Variants in EDRF1 observed in about 807,000 individuals in gnomAD.
EDRF1 encodes erythroid differentiation-related factor 1.
In EDRF1, 69 loss-of-function variants were observed where a neutral mutation model predicts 148.7. The ratio of observed to expected loss-of-function variants is 0.46; its 90% CI spans 0.38 to 0.57. The LOEUF (loss-of-function observed/expected upper bound fraction) is 0.57. EDRF1 is among the 20% of genes least tolerant of loss of function. The pLI, the probability that EDRF1 is intolerant of heterozygous loss-of-function variation, is 0.00. For missense variants in EDRF1, 1,118 were observed against 1,478.7 expected (o/e 0.76, Z 4.00); for synonymous variants, 515 against 532.8 (o/e 0.97, Z 0.46).
At chr10:125,745,972 C>T (rs1564746917) in intron 19 of EDRF1, 42 bp downstream of exon 19, 1 of 1,579,754 alleles carries the variant, frequency 6.3e-7, no homozygotes, top group South Asian at 1.1e-5. Context: ...CCATTCACAC[C>T]TGTCATTTAT....
At chr10:125,727,760 A>T (rs796318098) in intron 6 of EDRF1, among the ~76,000 whole-genome samples, 3 of 152,316 alleles carry the variant, frequency 2.0e-5, no homozygotes, top group African/African-American at 7.2e-5. Flanking sequence ...CAACACACGC[A>T]TGCCTGTCTT....
chr10:125,763,280 C>CT lies in EDRF1; in HGVS notation c.3546-16dup. On this transcript the variant is annotated intron_variant, in intron 24 of 24. Transcript: ENST00000356792. This position sits in a 1 kb window ranked among gnomAD's most constrained non-coding sequence, Gnocchi z 4.3. ...GGCATTGCTGGTCCCTTACCTGTCT[C>CT]TTTTTCTTTTTTAACCCTAGCAATA... The CT allele has an allele frequency of 6.2e-7, 1 of 1,608,028 alleles. No homozygotes were observed. Among genetic ancestry groups the CT allele is most frequent in the Non-Finnish European group, 8.5e-7 (1 of 1,178,866 alleles).
At chr10:125,726,091 A>T (rs539650052) in intron 6 of EDRF1, among the ~76,000 whole-genome samples, 1 of 152,240 alleles carries the variant, frequency 6.6e-6, no homozygotes, top group African/African-American at 2.4e-5. Flanking sequence ...TAGTTGACTG[A>T]TATGTTTATT....
At chr10:125,737,859 C>G (rs938692198) in intron 13 of EDRF1, 59 bp from the exon 14 acceptor site, 6 of 1,500,176 alleles carry the variant, frequency 4.0e-6, no homozygotes, top group African/African-American at 1.4e-5. Context: ...TCAACAAAAA[C>G]AATATGTTGA....
chr10:125,744,277 G>A (rs566708672), intron 18 of EDRF1, among the ~76,000 whole-genome samples: 1 of 151,140 alleles, frequency 6.6e-6, no homozygotes, highest in East Asian at 1.9e-4. Context: ...AGAATGCAGT[G>A]GCATAATCAT....
intron 24 of EDRF1, among the ~76,000 whole-genome samples, chr10:125,754,671 T>C (rs1387034177): frequency 6.6e-6 from 1 of 152,242 alleles, no homozygotes; most frequent in Non-Finnish European, 1.5e-5. Context: ...TTTGGCATTA[T>C]TGATTTAATT....
rs756020686 is a variant in EDRF1, at chr10:125,763,503, C to T, written c.*31C>T. The T allele has an allele frequency of 3.1e-6, 5 of 1,599,014 alleles. No individual in the cohort carries two copies. In the South Asian group the frequency reaches 5.5e-5, roughly 18 times the overall value. ...CAGAGCCGTGTCCCAGACACGCTGT[C>T]AGTGCCTTCAACACGGAGCCGGTTT... On this transcript the variant is annotated 3_prime_UTR_variant, in exon 25 of 25. Coordinates refer to ENST00000356792, the MANE Select transcript of EDRF1 (RefSeq NM_001202438.2). This position sits in a 1 kb window ranked among gnomAD's most constrained non-coding sequence, Gnocchi z 4.3.
chr10:125,753,824 C>T lies in EDRF1; in HGVS notation c.3524C>T (p.Ser1175Phe). The part of the protein sequence containing the change: ...FLLLQSIKLL[S>F]STKKKTSNNI... ...CTCCTTCAGTCCATTAAACTGCTAT[C>T]TTCAACTAAAAAGAAAACAAGGTAA... Residue 1175 changes from serine (S) to phenylalanine (F), a missense_variant, in exon 24 of 25, where the codon TCT (serine) becomes TTT (phenylalanine). Ser to Phe is a radical substitution (Grantham distance 155, BLOSUM62 -2). Around this residue, in one of 3 missense-constraint regions of EDRF1, gnomAD observed 954 missense variants for 1,241.4 expected, o/e 0.77. Transcript: ENST00000356792. 6.2e-7 allele frequency: 1 copy of T among 1,613,074 alleles called. No individual in the cohort carries two copies. Among genetic ancestry groups the T allele is most frequent in the Non-Finnish European group, 8.5e-7 (1 of 1,179,958 alleles).
At chr10:125,750,749 G>A (rs1236518817) in intron 22 of EDRF1, among the ~76,000 whole-genome samples, 1 of 152,130 alleles carries the variant, frequency 6.6e-6, no homozygotes, top group African/African-American at 2.4e-5. Flanking sequence ...TTCTAAAAAT[G>A]GTTTTTACTA....
chr10:125,731,442 G>A (rs1237562581), intron 9 of EDRF1, among the ~76,000 whole-genome samples: 11 of 152,270 alleles, frequency 7.2e-5, no homozygotes, highest in South Asian at 2.1e-4. Flanking sequence ...TAAAAGTCTA[G>A]TGTAAATACA....
At chr10:125,745,012 A>G (rs76810309) in intron 18 of EDRF1, 7 of 153,534 alleles carry the variant, frequency 4.6e-5, no homozygotes, top group Non-Finnish European at 8.7e-5. Context: ...TTACTTGTAC[A>G]AAAGCACAGC....
Position 125,745,277 on chromosome 10 carries a change from C to T in EDRF1, c.2591-430C>T, listed in dbSNP as rs116663811. 1.9e-3 allele frequency: 367 copies of T among 193,126 alleles called. 2 individuals are homozygous for T. The highest frequency in any genetic ancestry group is 8.2e-3 in the African/African-American group (354 of 43,054). The allele number at this position is 193,126 out of a possible 1,614,324, so 12.0% of individuals were successfully genotyped here. A position where few individuals can be genotyped will look rare whatever the true frequency, so the allele number is the denominator to read the frequency against. ...TGGAAGTTCAAGATCAAGGTGGCAG[C>T]AGCATTGGATTCCTCTCATGTTTCT... On this transcript the variant is annotated intron_variant, in intron 18 of 24. Coordinates refer to ENST00000356792, the MANE Select transcript of EDRF1 (RefSeq NM_001202438.2).
In EDRF1 at chr10:125,749,450, G is replaced by A. The variant is rs145085132; in HGVS notation, c.3162G>A (p.Leu1054=). 3 of 1,614,084 alleles carry A rather than the reference G, an allele frequency of 1.9e-6. No homozygotes were observed. The African/African-American group carries it at 4.0e-5, about 22-fold the overall frequency. ...DEHLRKQHRV[L]ADLHYSKAAK... ...ACCTTAGGAAACAACACCGGGTGCT[G>A]GCAGATCTTCATTACAGCAAGGCCG... Residue 1054 remains leucine, a synonymous_variant, in exon 22 of 25, where the codon CTG becomes CTA. Coordinates refer to ENST00000356792, the MANE Select transcript of EDRF1 (RefSeq NM_001202438.2).
At chr10:125,751,237 A>G (rs1589866355) in intron 22 of EDRF1, among the ~76,000 whole-genome samples, 1 of 152,310 alleles carries the variant, frequency 6.6e-6, no homozygotes, top group Middle Eastern at 3.4e-3. Flanking sequence ...TGCTAAGATG[A>G]TAAGTGTGTT....
intron 21 of EDRF1, chr10:125,748,461 G>A (rs553529636): frequency 2.0e-4 from 41 of 207,242 alleles, no homozygotes; most frequent in African/African-American, 9.3e-4. Context: ...GTGCCCAAAT[G>A]CCTGTATTTC....
At chr10:125,757,005 G>C (rs1307530621) in intron 24 of EDRF1, 10 of 422,766 alleles carry the variant, frequency 2.4e-5, no homozygotes, top group African/African-American at 1.9e-4. Context: ...TAGAGATGGG[G>C]TCTTGCCATG....
rs368297668 is a variant in EDRF1, at chr10:125,721,359, G to A, written c.264G>A (p.Gly88=). 6.2e-6 allele frequency: 10 copies of A among 1,614,066 alleles called. No homozygotes were observed. The highest frequency in any genetic ancestry group is 5.3e-5 in the African/African-American group (4 of 74,922). Residue 88 remains glycine (G), a synonymous_variant, in exon 2 of 25, where the codon GGG becomes GGA. Coordinates refer to ENST00000356792, the MANE Select transcript of EDRF1 (RefSeq NM_001202438.2). ...GGTTACGAGAGAGTGCCAAACTAGG[G>A]CCAGCAGGAACTACCATTCTTGGCA... ...ANWLRESAKL[G]PAGTTILGNS... is the part of the protein sequence containing the mutation.
intron 5 of EDRF1, 79 bp from the exon 6 acceptor site, chr10:125,725,603 T>C: frequency 1.3e-6 from 2 of 1,589,128 alleles, no homozygotes; most frequent in Non-Finnish European, 1.7e-6. Context: ...TTACAGATTG[T>C]AGTTTTTATA....
At position 125,719,871 on chromosome 10, in the gene EDRF1, C is replaced by T. The variant is rs1847895222; in HGVS notation, c.64C>T (p.Leu22Phe). 2.5e-6 allele frequency: 4 copies of T among 1,613,018 alleles called. No homozygotes were observed. The highest frequency in any genetic ancestry group is 3.4e-6 in the Non-Finnish European group (4 of 1,179,884). ...GGCCGGGGCCGCCGCTCGAGGAGGG[C>T]TCAGCCTCCTGTCCCAGGGAGAATC... ...PPAGAAARGG[L>F]SLLSQGESEE... is the part of the protein sequence containing the mutation. The change falls in exon 1 of 25, where the codon CTC becomes TTC. Residue 22 changes from leucine to phenylalanine, a missense_variant. This residue lies in a region of EDRF1 where 65 missense variants were observed against 50.3 expected (regional missense o/e 1.29). Transcript: ENST00000356792.
Sources: gnomAD v4.1 joint callset for allele counts (sites outside exome capture counted in the v4.1 genomes callset) on GRCh38, gnomAD v4.1.1 for gene constraint, gnomAD v4.1.1 regional missense constraint, Gnocchi (gnomAD v3.1) non-coding constraint, MANE v1.5 for transcripts, NCBI Gene and HGNC (gene_info 2026-07-23, HGNC 2026-07-21) for gene names.